Variants in GCC2 observed in about 807,000 individuals in gnomAD.
GCC2 encodes GRIP and coiled-coil domain containing 2.
Under a neutral mutation model 210.6 loss-of-function variants are expected in GCC2, and 120 were observed. The ratio of observed to expected loss-of-function variants is 0.57; its 90% CI spans 0.49 to 0.66. GCC2 has a LOEUF of 0.66. GCC2 is among the 30% of genes least tolerant of loss of function. GCC2 has a pLI of 0.00. For synonymous variants in GCC2, 703 were observed against 652.7 expected (o/e 1.08, Z -1.17); for missense variants, 1,868 against 1,871.9 (o/e 1.00, Z 0.04).
chr2:108,485,281 C>T (rs1682076858), intron 13 of GCC2, among the ~76,000 whole-genome samples: 1 of 151,022 alleles, frequency 6.6e-6, no homozygotes, highest in Admixed American at 6.6e-5. Flanking sequence ...TGTAACTAAC[C>T]TGCACAATGT....
In GCC2 at chr2:108,471,015, G is replaced by C; in HGVS notation, c.1686G>C (p.Lys562Asn). 6.2e-7 allele frequency: 1 copy of C among 1,611,560 alleles called. No homozygotes were observed. Among genetic ancestry groups the C allele is most frequent in the South Asian group, 1.1e-5 (1 of 90,872 alleles). Residue 562 changes from lysine (K) to asparagine (N), a missense_variant, in exon 6 of 23, where the codon AAG (lysine) becomes AAC (asparagine). By Grantham distance (94) the Lys-to-Asn change is moderately conservative (BLOSUM62 0). This residue lies in a region of GCC2 where 1,847 missense variants were observed against 1,765.2 expected (regional missense o/e 1.05). Transcript: ENST00000309863. ...TACCAGAACTTGAAAATACCATAAA[G>C]AACCTTCAAGAAAAGAATGGAGTAT... is the stretch of plus-strand genomic sequence containing the variant. ...ELVPELENTI[K>N]NLQEKNGVYL...
At chr2:108,459,550 C>G (rs1204237507) in intron 4 of GCC2, among the ~76,000 whole-genome samples, 1 of 151,852 alleles carries the variant, frequency 6.6e-6, no homozygotes, top group African/African-American at 2.4e-5. Flanking sequence ...AATTTTCTGT[C>G]TAGATGATCT....
chr2:108,499,236 G>C (rs947213843), intron 21 of GCC2, among the ~76,000 whole-genome samples: 17 of 151,974 alleles, frequency 1.1e-4, no homozygotes, highest in African/African-American at 3.9e-4. Context: ...ACCCCAAATA[G>C]CTTAGGACAG....
At chr2:108,463,173 G>A (rs1297728100) in intron 4 of GCC2, among the ~76,000 whole-genome samples, 1 of 151,828 alleles carries the variant, frequency 6.6e-6, no homozygotes, top group Non-Finnish European at 1.5e-5. Flanking sequence ...TCGAAATTTT[G>A]AATTCTTTTT....
chr2:108,506,560 T>C (rs1351866769), intron 22 of GCC2, among the ~76,000 whole-genome samples: 2 of 152,198 alleles, frequency 1.3e-5, no homozygotes, highest in Non-Finnish European at 2.9e-5. Context: ...TGCTATATGC[T>C]GAAAAGGGCA....
Position 108,470,603 on chromosome 2 carries a change from A to G in GCC2, c.1274A>G (p.Glu425Gly). ...FCYTVEQHNR[E>G]VQSLKEQHQK... The stretch of plus-strand genomic sequence containing the variant: ...TATACTGTAGAACAGCATAACAGAG[A>G]AGTACAGAGTCTTAAGGAACAACAT... The change falls in exon 6 of 23, where the codon GAA (glutamate) becomes GGA (glycine). Residue 425 changes from glutamate (E) to glycine (G), a missense_variant. Physicochemically the swap from Glu to Gly is moderately conservative, Grantham distance 98 (BLOSUM62 -2). Around this residue, in one of 3 missense-constraint regions of GCC2, gnomAD observed 1,847 missense variants for 1,765.2 expected, o/e 1.05. Coordinates refer to ENST00000309863, the MANE Select transcript of GCC2 (RefSeq NM_181453.4). The G allele has an allele frequency of 6.2e-7, 1 of 1,611,160 alleles. No homozygotes were observed. Among genetic ancestry groups the G allele is most frequent in the Non-Finnish European group, 8.5e-7 (1 of 1,178,072 alleles).
At chr2:108,497,733 A>G (rs1682715155) in intron 21 of GCC2, among the ~76,000 whole-genome samples, 2 of 152,166 alleles carry the variant, frequency 1.3e-5, no homozygotes, top group Middle Eastern at 3.2e-3. Flanking sequence ...GATTACTCAA[A>G]TGAGGTATTT....
rs199881293 is a variant in GCC2 at position 108,503,126 on chromosome 2, T to C, written c.4984+3372T>C. Reference sequence around the variant, plus strand: ...GAAATCTTTCAGAACTGTTGAAGGATATCCACAGATTCAAAAACCCAATAA... The same window carrying C: ...GAAATCTTTCAGAACTGTTGAAGGACATCCACAGATTCAAAAACCCAATAA... On this transcript the variant is annotated intron_variant, in intron 22 of 22. Coordinates refer to ENST00000309863, the MANE Select transcript of GCC2 (RefSeq NM_181453.4). Among the ~76,000 whole-genome samples, 7 of 151,696 alleles carry C rather than the reference T, an allele frequency of 4.6e-5. No homozygotes were observed. In the East Asian group the frequency reaches 9.8e-4, roughly 21 times the overall value.
chr2:108,506,521 T>C (rs1157820368), intron 22 of GCC2, among the ~76,000 whole-genome samples: 3 of 152,148 alleles, frequency 2.0e-5, no homozygotes, highest in Non-Finnish European at 4.4e-5. Context: ...TCGGTGGTGG[T>C]ACGTAACTGT....
rs1323747305 is a variant in GCC2, at chr2:108,471,071, T to A, written c.1742T>A (p.Met581Lys). 3.8e-6 allele frequency: 6 copies of A among 1,583,448 alleles called. No homozygotes were observed. Among genetic ancestry groups the A allele is most frequent in the Non-Finnish European group, 5.2e-6 (6 of 1,156,658 alleles). Residue 581 changes from methionine to lysine, a missense_variant, in exon 6 of 23, where the codon ATG becomes AAG. Met to Lys is a moderately conservative substitution (Grantham distance 95). This residue lies in a region of GCC2 where 1,847 missense variants were observed against 1,765.2 expected (regional missense o/e 1.05). Coordinates refer to ENST00000309863, the MANE Select transcript of GCC2 (RefSeq NM_181453.4). Reference protein sequence around the residue: ...YLLSLSQRDTMLKELEGKINS... With the variant: ...YLLSLSQRDTKLKELEGKINS... ...CTTAGTCTCAGTCAAAGAGATACCA[T>A]GTTAAAAGAATTAGAAGGAAAGATA...
At chr2:108,503,652 G>C (rs1425907994) in intron 22 of GCC2, among the ~76,000 whole-genome samples, 1 of 152,154 alleles carries the variant, frequency 6.6e-6, no homozygotes, top group African/African-American at 2.4e-5. Flanking sequence ...GGGCCCATCA[G>C]AGCAAACAAG....
intron 17 of GCC2, 120 bp downstream of exon 17, chr2:108,487,940 C>G (rs1187784799): frequency 2.0e-6 from 2 of 1,005,688 alleles, no homozygotes; most frequent in Non-Finnish European, 2.8e-6. Flanking sequence ...GACTTTCGCT[C>G]TTGTTGCCCA....
intron 22 of GCC2, among the ~76,000 whole-genome samples, chr2:108,502,618 TACATTCTCTCTTAAAGAGAGA>T (rs549636197): frequency 0.025 from 3,769 of 152,210 alleles, 62 homozygotes; most frequent in African/African-American, 0.032. Context: ...TTAGATACCT[TACATTCTCTCTTAAAGAGAGA>T]GAATGTAAGG....
Position 108,471,666 on chromosome 2 carries a change from T to A in GCC2, c.2337T>A (p.Val779=). The A allele has an allele frequency of 6.2e-7, 1 of 1,613,630 alleles. No homozygotes were observed. The highest frequency in any genetic ancestry group is 8.5e-7 in the Non-Finnish European group (1 of 1,179,622). The change falls in exon 6 of 23, where the codon GTT becomes GTA. Residue 779 remains valine (V), a synonymous_variant. Transcript: ENST00000309863. ...CAGAAGACAGTGAAGAGAAAGATGTTGTTAATGTCCTACAGGCAGTCGGTG... is the reference window on the plus strand; with the variant it reads ...CAGAAGACAGTGAAGAGAAAGATGTAGTTAATGTCCTACAGGCAGTCGGTG... ...EVSEDSEEKD[V]VNVLQAVGES... is the part of the protein sequence containing the mutation.
intron 4 of GCC2, among the ~76,000 whole-genome samples, chr2:108,467,206 C>T (rs184970590): frequency 1.3e-5 from 2 of 152,226 alleles, no homozygotes; most frequent in Admixed American, 1.3e-4. Context: ...TTATAATTTC[C>T]CCTGTGGAAC....
In GCC2 at chr2:108,471,497, A is replaced by T; in HGVS notation, c.2168A>T (p.His723Leu). 6 of 1,608,478 alleles carry T rather than the reference A, an allele frequency of 3.7e-6. No homozygotes were observed. Among genetic ancestry groups the T allele is most frequent in the Non-Finnish European group, 4.2e-6 (5 of 1,178,050 alleles). The stretch of plus-strand genomic sequence containing the variant: ...AAAGAAGATGTTATCCTTAAAGAAC[A>T]TATTACTCAATTAGAAAAGAAACTT... Reference protein sequence around the residue: ...SQKEDVILKEHITQLEKKLQL... With the variant: ...SQKEDVILKELITQLEKKLQL... The change falls in exon 6 of 23, where the codon CAT becomes CTT. Residue 723 changes from histidine (H) to leucine (L), a missense_variant. Transcript: ENST00000309863.
intron 22 of GCC2, 151 bp from the exon 23 acceptor site, chr2:108,507,409 C>A: frequency 1.7e-5 from 6 of 359,434 alleles, no homozygotes; most frequent in Admixed American, 4.6e-5. Flanking sequence ...AAAAGAACCC[C>A]CCCCCCCAAA....
intron 22 of GCC2, among the ~76,000 whole-genome samples, chr2:108,505,192 C>A (rs1169226377): frequency 6.6e-6 from 1 of 152,226 alleles, no homozygotes; most frequent in African/African-American, 2.4e-5. Context: ...TCAGCTTACA[C>A]CATTCATTTC....
At chr2:108,452,061 C>G (rs1302641513) in intron 3 of GCC2, among the ~76,000 whole-genome samples, 1 of 152,004 alleles carries the variant, frequency 6.6e-6, no homozygotes, top group East Asian at 1.9e-4. Context: ...CCAGGCTGTT[C>G]TCGATAACGT....
Sources: gnomAD v4.1 joint callset for allele counts (sites outside exome capture counted in the v4.1 genomes callset) on GRCh38, gnomAD v4.1.1 for gene constraint, gnomAD v4.1.1 regional missense constraint, MANE v1.5 for transcripts, NCBI Gene and HGNC (gene_info 2026-07-23, HGNC 2026-07-21) for gene names.